Variants in ZFPM1 observed in about 807,000 individuals in gnomAD.
ZFPM1 encodes zinc finger protein ZFPM1.
A neutral mutation model predicts 46.3 loss-of-function variants in ZFPM1; 28 were observed. That is an observed-to-expected ratio of 0.60 (90% CI 0.45 to 0.83). The LOEUF is 0.83. Among genes scored for constraint, ZFPM1 ranks in the 40% least tolerant of loss-of-function variants. The probability of loss-of-function intolerance (pLI) is 0.00; values close to 1 mark genes in which losing one functional copy is unlikely to be tolerated. For synonymous variants in ZFPM1, 957 were observed against 675.9 expected, an observed-to-expected ratio of 1.42 and a Z score of -6.45; for missense variants, 1,878 against 1,432.4, an observed-to-expected ratio of 1.31 and a Z score of -5.02.
chr16:88,506,629 G>A (rs56165859), intron 3 of ZFPM1, among the ~76,000 whole-genome samples: 6,064 of 152,266 alleles, frequency 0.04, 178 homozygotes, highest in South Asian at 0.11. Context: ...GGGCCCAGAC[G>A]TATGTGACAT....
At chr16:88,521,092 T>TGGGTGGATGATGGAC (rs1286564085) in intron 4 of ZFPM1, among the ~76,000 whole-genome samples, 1 of 135,454 alleles carries the variant, frequency 7.4e-6, no homozygotes, top group African/African-American at 2.6e-5. Flanking sequence ...ATTAGGTGGG[T>TGGGTGGATGATGGAC]GGGTGGATGA....
intron 3 of ZFPM1, among the ~76,000 whole-genome samples, chr16:88,503,817 C>T (rs1910509524): frequency 6.6e-6 from 1 of 152,198 alleles, no homozygotes; most frequent in African/African-American, 2.4e-5. Flanking sequence ...GGCTGCCAGG[C>T]AGATCTTGGG....
chr16:88,486,305 C>G (rs1909221112), intron 2 of ZFPM1, among the ~76,000 whole-genome samples: 1 of 152,224 alleles, frequency 6.6e-6, no homozygotes, highest in South Asian at 2.1e-4. Flanking sequence ...GACCAAGGCC[C>G]AGATGGGGCA....
At chr16:88,530,539 C>T (rs1316105825) in intron 6 of ZFPM1, 3 of 152,258 alleles carry the variant, frequency 2.0e-5, no homozygotes, top group Admixed American at 1.3e-4. Flanking sequence ...GGGTCAGATC[C>T]AGTTTCATTC....
chr16:88,478,976 G>T (rs1908805712), intron 1 of ZFPM1, among the ~76,000 whole-genome samples: 1 of 152,332 alleles, frequency 6.6e-6, no homozygotes, highest in African/African-American at 2.4e-5. Context: ...GAGGCTCGAG[G>T]CTCCGAGGGC....
Position 88,469,813 on chromosome 16 carries a change from C to T in ZFPM1, c.41-16126C>T, listed in dbSNP as rs540962803. Among the ~76,000 whole-genome samples, 14 of 152,124 alleles carry T rather than the reference C, an allele frequency of 9.2e-5. No homozygotes were observed. Among genetic ancestry groups the T allele is most frequent in the Middle Eastern group, 3.4e-3 (1 of 294 alleles). ...GGAGAGGAAGTAGGGAGGGGCCGTCCGACCAGAACCAGACATCACCTTGGC... is the reference window on the plus strand; with the variant it reads ...GGAGAGGAAGTAGGGAGGGGCCGTCTGACCAGAACCAGACATCACCTTGGC... On this transcript the variant is annotated intron_variant, in intron 1 of 9. Transcript: ENST00000319555. This position sits in a 1 kb window ranked among gnomAD's most constrained non-coding sequence, Gnocchi z 4.3.
intron 4 of ZFPM1, among the ~76,000 whole-genome samples, chr16:88,515,641 C>A (rs1310941571): frequency 6.6e-6 from 1 of 152,228 alleles, no homozygotes; most frequent in East Asian, 1.9e-4. Flanking sequence ...TCAGTGGGCA[C>A]TGCGGCCAGC....
intron 2 of ZFPM1, among the ~76,000 whole-genome samples, chr16:88,486,965 G>T (rs1909267224): frequency 1.3e-5 from 2 of 152,200 alleles, no homozygotes; most frequent in Admixed American, 1.3e-4. Context: ...CCCTAGTGGG[G>T]GTCCCACCCA....
intron 4 of ZFPM1, chr16:88,516,535 C>G: frequency 2.5e-6 from 1 of 398,662 alleles, no homozygotes; most frequent in Non-Finnish European, 4.4e-6. Context: ...GAATTAAATC[C>G]TTGATTAACC....
chr16:88,526,810 CCA>C lies in ZFPM1; in HGVS notation c.403-3_403-2del. On this transcript the variant is annotated splice_acceptor_variant and splice_polypyrimidine_tract_variant and intron_variant, in intron 4 of 9. Transcript: ENST00000319555. LOFTEE classifies it high-confidence loss of function. ...CCCCACGTGTTCCTACCCTCCCCCC[CCA>C]GAGCCCAGCCCTGACCCTGCTGCTG... 6.5e-7 allele frequency: 1 copy of C among 1,545,808 alleles called. No homozygotes were observed. Among genetic ancestry groups the C allele is most frequent in the Non-Finnish European group, 8.7e-7 (1 of 1,143,790 alleles).
chr16:88,478,871 C>T (rs1416235464), intron 1 of ZFPM1, among the ~76,000 whole-genome samples: 3 of 152,164 alleles, frequency 2.0e-5, no homozygotes, highest in Non-Finnish European at 4.4e-5. Context: ...AAATGCTACT[C>T]GAGGGAAACG....
At chr16:88,525,545 G>A (rs764783723) in intron 4 of ZFPM1, among the ~76,000 whole-genome samples, 15 of 152,248 alleles carry the variant, frequency 9.9e-5, no homozygotes, top group African/African-American at 2.9e-4. Context: ...GCTGGAGCAC[G>A]CGTGTATGCT....
intron 1 of ZFPM1, among the ~76,000 whole-genome samples, chr16:88,455,379 A>G (rs1011792619): frequency 6.6e-6 from 1 of 151,830 alleles, no homozygotes; most frequent in African/African-American, 2.4e-5. Flanking sequence ...GCGGCCCGGG[A>G]CCGGGGCAGA....
At chr16:88,515,066 T>C (rs1423890092) in intron 4 of ZFPM1, among the ~76,000 whole-genome samples, 1 of 152,194 alleles carries the variant, frequency 6.6e-6, no homozygotes, top group African/African-American at 2.4e-5. Context: ...GTCGTTTGTC[T>C]TGGATGTACT....
intron 3 of ZFPM1, among the ~76,000 whole-genome samples, chr16:88,507,869 C>T (rs760286448): frequency 3.9e-5 from 6 of 152,198 alleles, no homozygotes; most frequent in Admixed American, 1.3e-4. Context: ...ATACCCTTCC[C>T]CAGGCCATCC....
At position 88,533,803 on chromosome 16, in the gene ZFPM1, C is replaced by A. The variant is rs1256522320; in HGVS notation, c.1845C>A (p.Pro615=). The change falls in exon 10 of 10, where the codon CCC becomes CCA. Residue 615 remains proline (P), a synonymous_variant. Coordinates refer to ENST00000319555, the MANE Select transcript of ZFPM1 (RefSeq NM_153813.3). The stretch of plus-strand genomic sequence containing the variant: ...AGGACGCGCCTGCCGCGCGCAGGCC[C>A]AAGGCGCCCCCCGGCCCGGCCCGCG... ...APEDAPAARR[P]KAPPGPARAP... is the part of the protein sequence containing the mutation. The A allele has an allele frequency of 1.7e-6, 2 of 1,145,190 alleles. No individual in the cohort carries two copies. 70.9% of individuals were successfully genotyped at this position (1,145,190 alleles called of 1,614,324 possible). A position where few individuals can be genotyped will look rare whatever the true frequency, so the allele number is the denominator to read the frequency against.
At chr16:88,493,394 A>G (rs189003203) in intron 3 of ZFPM1, among the ~76,000 whole-genome samples, 2,881 of 50,528 alleles carry the variant, frequency 0.057, 54 homozygotes, top group South Asian at 0.17. Context: ...GAGCTGTCCC[A>G]GGGTGCAGGA....
intron 3 of ZFPM1, among the ~76,000 whole-genome samples, chr16:88,500,500 C>T (rs111607719): frequency 0.017 from 2,590 of 152,374 alleles, 78 homozygotes; most frequent in African/African-American, 0.06. Flanking sequence ...AGCACAGAAA[C>T]AGCGCTATTA....
chr16:88,502,509 C>G (rs924542577), intron 3 of ZFPM1, among the ~76,000 whole-genome samples: 1 of 152,208 alleles, frequency 6.6e-6, no homozygotes, highest in Admixed American at 6.5e-5. Context: ...AGGTTCCCAT[C>G]TGGATCCACC....
Sources: allele counts gnomAD v4.1 joint callset (sites outside exome capture counted in the v4.1 genomes callset), GRCh38; gene constraint gnomAD v4.1.1; non-coding constraint Gnocchi (gnomAD v3.1); transcripts MANE v1.5; gene names NCBI Gene and HGNC (gene_info 2026-07-23, HGNC 2026-07-21).